The following RAD51B variants were observed in gnomAD, a reference collection of about 807,000 sequenced individuals.
RAD51B encodes the protein RAD51 paralog B, also known as DNA repair protein RAD51 homolog 2.
A neutral mutation model predicts 42.2 loss-of-function variants in RAD51B; 38 were observed. That is an observed-to-expected ratio of 0.90 (90% CI 0.70 to 1.18). RAD51B has a LOEUF of 1.18. Ranked by LOEUF, RAD51B falls within the 50% of genes most tolerant of loss-of-function variation. The pLI is 0.00. For synonymous variants in RAD51B, 154 were observed against 145.2 expected, an observed-to-expected ratio of 1.06 and a Z score of -0.43; for missense variants, 373 against 400.7, an observed-to-expected ratio of 0.93 and a Z score of 0.59.
At chr14:68,382,536 G>A (rs1458576086) in intron 8 of RAD51B, among the ~76,000 whole-genome samples, 2 of 152,162 alleles carry the variant, frequency 1.3e-5, no homozygotes, top group East Asian at 3.9e-4. Context: ...AGTTATTACA[G>A]ATGACACTAT....
chr14:68,462,592 T>C (rs2085873012), intron 9 of RAD51B, among the ~76,000 whole-genome samples: 1 of 152,200 alleles, frequency 6.6e-6, no homozygotes, highest in African/African-American at 2.4e-5. Flanking sequence ...AGTCTCACGA[T>C]GTTGCCCAGG....
At chr14:68,662,658 A>T (rs989205439) in intron 11 of RAD51B, among the ~76,000 whole-genome samples, 5 of 152,134 alleles carry the variant, frequency 3.3e-5, no homozygotes, top group African/African-American at 1.2e-4. Context: ...TGTGCTACCA[A>T]CTTAGGAATC....
intron 7 of RAD51B, among the ~76,000 whole-genome samples, chr14:67,994,842 A>C (rs2075354763): frequency 2.0e-5 from 3 of 152,238 alleles, no homozygotes. Flanking sequence ...TGTTAGACAC[A>C]ATAACCAAAA....
At chr14:68,063,740 G>GATAA (rs940684591) in intron 7 of RAD51B, among the ~76,000 whole-genome samples, 9 of 152,046 alleles carry the variant, frequency 5.9e-5, no homozygotes, top group East Asian at 1.9e-4. Context: ...ATCTCAAAAA[G>GATAA]ATAAATAAAT....
intron 11 of RAD51B, among the ~76,000 whole-genome samples, chr14:68,675,448 C>T (rs951289504): frequency 2.0e-5 from 3 of 152,134 alleles, no homozygotes; most frequent in East Asian, 1.9e-4. Flanking sequence ...TAGGATATGC[C>T]TGATTCCTTT....
chr14:68,128,446 G>A (rs562067572), intron 7 of RAD51B, among the ~76,000 whole-genome samples: 1 of 152,280 alleles, frequency 6.6e-6, no homozygotes, highest in Admixed American at 6.5e-5. Context: ...TATAATCCCA[G>A]CACTTAGGCC....
intron 8 of RAD51B, among the ~76,000 whole-genome samples, chr14:68,307,792 AAATT>A (rs1362074716): frequency 2.0e-5 from 3 of 152,234 alleles, no homozygotes; most frequent in African/African-American, 7.2e-5. Context: ...TACACAAAAT[AAATT>A]AATTACTGTG....
At chr14:68,044,805 T>C (rs890860699) in intron 7 of RAD51B, among the ~76,000 whole-genome samples, 1 of 152,126 alleles carries the variant, frequency 6.6e-6, no homozygotes, top group Non-Finnish European at 1.5e-5. Context: ...TGAATGCTTA[T>C]CAATGACCAA....
intron 7 of RAD51B, among the ~76,000 whole-genome samples, chr14:68,054,709 T>C (rs1481533255): frequency 2.6e-5 from 4 of 152,252 alleles, no homozygotes; most frequent in Non-Finnish European, 1.5e-5. Flanking sequence ...TGAGGACATA[T>C]AGTGTAAATA....
intron 10 of RAD51B, among the ~76,000 whole-genome samples, chr14:68,550,372 A>G (rs998594935): frequency 6.6e-6 from 1 of 152,250 alleles, no homozygotes; most frequent in African/African-American, 2.4e-5. Flanking sequence ...CTAAAGATGC[A>G]TTGCAGCGAA....
At chr14:68,220,998 G>T (rs1206855988) in intron 7 of RAD51B, among the ~76,000 whole-genome samples, 1 of 152,114 alleles carries the variant, frequency 6.6e-6, no homozygotes, top group Admixed American at 6.5e-5. Context: ...GGGCATGGTG[G>T]CGCACACCTG....
chr14:68,541,238 A>T, intron 10 of RAD51B: 1 of 985,426 alleles, frequency 1.0e-6, no homozygotes, highest in South Asian at 4.7e-5. Context: ...TTTCTTGAAG[A>T]TTTGACAGAT....
intron 10 of RAD51B, chr14:68,545,572 T>A (rs1330414289): frequency 2.2e-6 from 1 of 455,928 alleles, no homozygotes; most frequent in Non-Finnish European, 4.4e-6. Context: ...GTGAGAAACA[T>A]TTTGGAGACC....
At chr14:68,650,991 A>G in intron 11 of RAD51B, 1 of 578,372 alleles carries the variant, frequency 1.7e-6, no homozygotes, top group Middle Eastern at 4.4e-4. Flanking sequence ...ATGGCCACAC[A>G]TATCTCAAAG....
At chr14:68,239,456 TC>T (rs2080336841) in intron 7 of RAD51B, among the ~76,000 whole-genome samples, 1 of 151,704 alleles carries the variant, frequency 6.6e-6, no homozygotes, top group Non-Finnish European at 1.5e-5. Flanking sequence ...GAAGCAGTCA[TC>T]CTGCTCCAGC....
intron 10 of RAD51B, among the ~76,000 whole-genome samples, chr14:68,567,827 G>A (rs1489973827): frequency 1.3e-5 from 2 of 152,106 alleles, no homozygotes; most frequent in Non-Finnish European, 2.9e-5. Context: ...TTTCATATTA[G>A]CCCCATCTCT....
intron 7 of RAD51B, among the ~76,000 whole-genome samples, chr14:68,052,715 G>A (rs2076413112): frequency 6.6e-6 from 1 of 151,466 alleles, no homozygotes; most frequent in Non-Finnish European, 1.5e-5. Context: ...CTGCCTCCGA[G>A]GCTCCAGCGA....
At chr14:68,201,409 T>G (rs2079483224) in intron 7 of RAD51B, among the ~76,000 whole-genome samples, 1 of 152,214 alleles carries the variant, frequency 6.6e-6, no homozygotes, top group African/African-American at 2.4e-5. Flanking sequence ...ATAATTAATT[T>G]AAAAACCATT....
At chr14:68,233,905 T>C (rs868845208) in intron 7 of RAD51B, among the ~76,000 whole-genome samples, 6 of 152,342 alleles carry the variant, frequency 3.9e-5, no homozygotes, top group African/African-American at 1.2e-4. Context: ...TCTTACAGCA[T>C]ACTAAGGCAT....
Sources: allele counts gnomAD v4.1 joint callset (sites outside exome capture counted in the v4.1 genomes callset), GRCh38; gene constraint gnomAD v4.1.1; transcripts MANE v1.5; gene names NCBI Gene and HGNC (gene_info 2026-07-23, HGNC 2026-07-21).